Variants in CTNNA3 observed in about 807,000 individuals in gnomAD.
CTNNA3 encodes the protein catenin alpha-3.
CTNNA3 carries 76 observed loss-of-function variants against 95.7 expected under a neutral mutation model. The ratio of observed to expected loss-of-function variants is 0.79; its 90% CI spans 0.66 to 0.96. The LOEUF (loss-of-function observed/expected upper bound fraction) is 0.96, where lower values mean the gene tolerates loss of function less well. CTNNA3 is among the 40% of genes least tolerant of loss of function. CTNNA3 has a pLI of 0.00. For synonymous variants in CTNNA3, 431 were observed against 374.4 expected, an observed-to-expected ratio of 1.15 and a Z score of -1.74; for missense variants, 1,191 against 1,089.8, an observed-to-expected ratio of 1.09 and a Z score of -1.31.
intron 2 of CTNNA3, among the ~76,000 whole-genome samples, chr10:67,618,643 G>A (rs573794147): frequency 6.6e-6 from 1 of 152,120 alleles, no homozygotes; most frequent in Non-Finnish European, 1.5e-5. Flanking sequence ...TGCTCATCAT[G>A]ATGAATATGA....
At chr10:66,487,933 T>G (rs1246550919) in intron 11 of CTNNA3, among the ~76,000 whole-genome samples, 2 of 152,066 alleles carry the variant, frequency 1.3e-5, no homozygotes, top group Non-Finnish European at 2.9e-5. Context: ...TTACCAGGAA[T>G]TAGCAAGGTA....
At chr10:67,693,648 A>C (rs901843316) in intron 1 of CTNNA3, among the ~76,000 whole-genome samples, 8 of 152,232 alleles carry the variant, frequency 5.3e-5, no homozygotes, top group Non-Finnish European at 1.2e-4. Context: ...TAATACAGGA[A>C]GAATATATTA....
intron 10 of CTNNA3, among the ~76,000 whole-genome samples, chr10:66,586,992 G>T (rs1022125532): frequency 6.6e-6 from 1 of 152,164 alleles, no homozygotes; most frequent in African/African-American, 2.4e-5. Flanking sequence ...AGTTCAGGCT[G>T]TACTGGAGAA....
At chr10:67,269,228 A>T (rs566591937) in intron 5 of CTNNA3, among the ~76,000 whole-genome samples, 1 of 152,174 alleles carries the variant, frequency 6.6e-6, no homozygotes, top group African/African-American at 2.4e-5. Flanking sequence ...GTCATTAAAG[A>T]TTTTTTATGA....
At chr10:66,458,269 C>A (rs780451066) in intron 11 of CTNNA3, among the ~76,000 whole-genome samples, 1 of 152,126 alleles carries the variant, frequency 6.6e-6, no homozygotes, top group Non-Finnish European at 1.5e-5. Flanking sequence ...TCATGGCATA[C>A]TACTCAGCTC....
intron 13 of CTNNA3, among the ~76,000 whole-genome samples, chr10:66,128,979 A>C: frequency 1.3e-5 from 2 of 152,102 alleles, no homozygotes; most frequent in East Asian, 3.9e-4. Flanking sequence ...CAAAAAAAAA[A>C]CTTGGCTGGG....
At chr10:65,976,220 A>T (rs777387937) in intron 16 of CTNNA3, among the ~76,000 whole-genome samples, 2 of 152,050 alleles carry the variant, frequency 1.3e-5, no homozygotes, top group Non-Finnish European at 2.9e-5. Flanking sequence ...TGTCATTCTG[A>T]TTTGTAAGTT....
At chr10:66,129,631 G>A (rs2133843369) in intron 13 of CTNNA3, among the ~76,000 whole-genome samples, 1 of 152,192 alleles carries the variant, frequency 6.6e-6, no homozygotes, top group Admixed American at 6.5e-5. Context: ...GCCTCTTCTG[G>A]GGCCCCAGCC....
At chr10:66,613,483 A>T (rs917422188) in intron 10 of CTNNA3, among the ~76,000 whole-genome samples, 3 of 152,046 alleles carry the variant, frequency 2.0e-5, no homozygotes, top group African/African-American at 7.2e-5. Flanking sequence ...GGAACAAGAT[A>T]CAGGGCAGTG....
chr10:67,236,326 C>T (rs1231505130), intron 5 of CTNNA3, among the ~76,000 whole-genome samples: 1 of 151,282 alleles, frequency 6.6e-6, no homozygotes, highest in African/African-American at 2.4e-5. Flanking sequence ...GAATACTATG[C>T]AGCCATAAAA....
At position 67,559,150 on chromosome 10, in the gene CTNNA3, C is replaced by T. The variant is rs563044100; in HGVS notation, c.293-19481G>A. ...GAAGAGAGCAGTGCTTCTCCCAGCA[C>T]GCAGCTGGAGATCTGAGAACAGGCA... On this transcript the variant is annotated intron_variant, in intron 3 of 17. Coordinates refer to ENST00000433211, the MANE Select transcript of CTNNA3 (RefSeq NM_013266.4). Among the ~76,000 whole-genome samples, 361 of 152,306 alleles carry T rather than the reference C, an allele frequency of 2.4e-3. 1 individual carries two copies. Among genetic ancestry groups the T allele is most frequent in the Non-Finnish European group, 3.7e-3 (254 of 68,024 alleles).
chr10:67,322,498 T>C (rs1410066767), intron 5 of CTNNA3, among the ~76,000 whole-genome samples: 1 of 152,230 alleles, frequency 6.6e-6, no homozygotes, highest in Non-Finnish European at 1.5e-5. Context: ...GTTTCTGCTT[T>C]AGTTTGCTAA....
intron 7 of CTNNA3, among the ~76,000 whole-genome samples, chr10:66,923,129 GGT>G (rs59369796): frequency 0.025 from 3,742 of 152,204 alleles, 116 homozygotes; most frequent in African/African-American, 0.084. Flanking sequence ...CCAAAGGGTA[GGT>G]GTAAAGTCAG....
At chr10:67,676,240 A>G (rs1840532550) in intron 1 of CTNNA3, among the ~76,000 whole-genome samples, 1 of 152,148 alleles carries the variant, frequency 6.6e-6, no homozygotes. Flanking sequence ...ACAGATCTTT[A>G]TTAATCTAAG....
chr10:65,982,019 C>A (rs1419864437), intron 16 of CTNNA3, among the ~76,000 whole-genome samples: 1 of 151,726 alleles, frequency 6.6e-6, no homozygotes, highest in Non-Finnish European at 1.5e-5. Context: ...AAATGGAAAG[C>A]TTCTGCACAG....
At chr10:66,061,280 G>A (rs190921075) in intron 15 of CTNNA3, among the ~76,000 whole-genome samples, 2 of 152,240 alleles carry the variant, frequency 1.3e-5, no homozygotes, top group African/African-American at 4.8e-5. Flanking sequence ...TTCAGTTTAG[G>A]CTGGAAGGTC....
intron 10 of CTNNA3, among the ~76,000 whole-genome samples, chr10:66,533,913 A>G (rs1841556526): frequency 6.6e-6 from 1 of 152,156 alleles, no homozygotes. Flanking sequence ...CTTACAAAAG[A>G]GTTAAAAAAT....
chr10:67,563,043 T>C (rs1418877844), intron 3 of CTNNA3, among the ~76,000 whole-genome samples: 1 of 152,074 alleles, frequency 6.6e-6, no homozygotes, highest in Admixed American at 6.5e-5. Flanking sequence ...AGAATCAATA[T>C]CATGAAAATG....
chr10:67,617,957 T>C (rs1278452837), intron 2 of CTNNA3, among the ~76,000 whole-genome samples: 3 of 151,970 alleles, frequency 2.0e-5, no homozygotes, highest in African/African-American at 7.2e-5. Context: ...GTAATGTTAA[T>C]CATATAGTCT....
Sources: gnomAD v4.1 joint callset for allele counts (sites outside exome capture counted in the v4.1 genomes callset) on GRCh38, gnomAD v4.1.1 for gene constraint, MANE v1.5 for transcripts, NCBI Gene and HGNC (gene_info 2026-07-23, HGNC 2026-07-21) for gene names.